MGAT5: variants seen among roughly 807,000 people sequenced by gnomAD.
MGAT5 encodes the protein alpha-1,6-mannosylglycoprotein 6-beta-N-acetylglucosaminyltransferase A.
Under a neutral mutation model 94.3 loss-of-function variants are expected in MGAT5, and 30 were observed. The ratio of observed to expected loss-of-function variants is 0.32; its 90% confidence interval spans 0.24 to 0.43. MGAT5 has a LOEUF of 0.43. MGAT5 is among the 20% of genes least tolerant of loss of function. The probability of loss-of-function intolerance (pLI) is 1.00; values close to 1 mark genes in which losing one functional copy is unlikely to be tolerated. For missense variants in MGAT5, 691 were observed against 905.5 expected (o/e 0.76, Z 3.04); for synonymous variants, 310 against 322.9 (o/e 0.96, Z 0.43).
intron 8 of MGAT5, among the ~76,000 whole-genome samples, chr2:134,345,718 A>G (rs1380180766): frequency 2.6e-5 from 4 of 152,174 alleles, no homozygotes; most frequent in African/African-American, 4.8e-5. Flanking sequence ...ATTTTCTTTC[A>G]GTCTTTTTGA....
At chr2:134,233,156 T>A (rs1203155825) in intron 1 of MGAT5, among the ~76,000 whole-genome samples, 1 of 152,218 alleles carries the variant, frequency 6.6e-6, no homozygotes, top group Non-Finnish European at 1.5e-5. Flanking sequence ...AATATAAGGG[T>A]ACAGGGCTGG....
intron 1 of MGAT5, among the ~76,000 whole-genome samples, chr2:134,145,204 G>GTA (rs1553484665): frequency 6.7e-6 from 1 of 148,348 alleles, no homozygotes; most frequent in East Asian, 2.0e-4. Context: ...GTGTGTGTGT[G>GTA]TCTCTCTCTC....
In MGAT5 at chr2:134,319,962, G is replaced by A. The variant is rs114423217; in HGVS notation, c.573+1223G>A. 4.8e-3 allele frequency: 989 copies of A among 206,378 alleles called. 11 individuals carry two copies. Among genetic ancestry groups the A allele is most frequent in the African/African-American group, 0.022 (916 of 42,440 alleles). The allele number at this position is 206,378 out of a possible 1,614,324, so 12.8% of individuals were successfully genotyped here. On this transcript the variant is annotated intron_variant, in intron 4 of 15. Coordinates refer to ENST00000281923, the MANE Select transcript of MGAT5 (RefSeq NM_002410.5). ...GGACATCACATCTGTACTCTTGAAC[G>A]TGGGTAGTGATGTTTTATGAGTTCC...
At chr2:134,444,106 T>C (rs1342301331) in intron 15 of MGAT5, among the ~76,000 whole-genome samples, 1 of 152,188 alleles carries the variant, frequency 6.6e-6, no homozygotes, top group African/African-American at 2.4e-5. Context: ...AGTTTTCTCA[T>C]CTGTAAAATG....
intron 14 of MGAT5, among the ~76,000 whole-genome samples, chr2:134,434,351 T>C (rs1370142844): frequency 6.6e-6 from 1 of 152,222 alleles, no homozygotes; most frequent in Non-Finnish European, 1.5e-5. Flanking sequence ...TTAGACTTTT[T>C]GTTGGTTTAT....
At chr2:134,330,222 C>A (rs1009884889) in intron 4 of MGAT5, among the ~76,000 whole-genome samples, 4 of 152,096 alleles carry the variant, frequency 2.6e-5, no homozygotes, top group Admixed American at 6.6e-5. Flanking sequence ...GTTACCTGAT[C>A]CAACTCTAAA....
intron 1 of MGAT5, among the ~76,000 whole-genome samples, chr2:134,238,682 T>G (rs4954120): frequency 0.58 from 87,854 of 152,140 alleles, 28,883 homozygotes; most frequent in Non-Finnish European, 0.74. Flanking sequence ...GGTGGCTCAC[T>G]CCTATAATCC....
At chr2:134,377,411 T>TC (rs928684641) in intron 10 of MGAT5, among the ~76,000 whole-genome samples, 8 of 152,202 alleles carry the variant, frequency 5.3e-5, no homozygotes, top group African/African-American at 1.9e-4. Context: ...TCTGATTCTT[T>TC]CCCCCCATTA....
intron 1 of MGAT5, among the ~76,000 whole-genome samples, chr2:134,191,697 G>A (rs779645537): frequency 7.1e-6 from 1 of 140,088 alleles, no homozygotes; most frequent in African/African-American, 2.7e-5. Context: ...TTCTCCTGGC[G>A]TGAGCGGGTT....
intron 1 of MGAT5, among the ~76,000 whole-genome samples, chr2:134,130,233 C>T (rs1407883218): frequency 1.4e-5 from 2 of 145,840 alleles, no homozygotes; most frequent in Admixed American, 6.8e-5. Flanking sequence ...CACCGCCCCA[C>T]ACCGCCCCAC....
chr2:134,386,458 A>C (rs1457182980), intron 10 of MGAT5, among the ~76,000 whole-genome samples: 1 of 152,234 alleles, frequency 6.6e-6, no homozygotes, highest in Non-Finnish European at 1.5e-5. Context: ...TTCTCTTAAA[A>C]TAGATAAGTA....
chr2:134,257,747 A>G (rs1225316645), intron 1 of MGAT5, among the ~76,000 whole-genome samples: 1 of 151,082 alleles, frequency 6.6e-6, no homozygotes, highest in East Asian at 1.9e-4. Flanking sequence ...TTAATGTCAC[A>G]TGCTGGTGCA....
chr2:134,382,786 G>A (rs903372409), intron 10 of MGAT5, among the ~76,000 whole-genome samples: 1 of 152,202 alleles, frequency 6.6e-6, no homozygotes, highest in Non-Finnish European at 1.5e-5. Flanking sequence ...CATTGGGGCG[G>A]CCAGACTGCT....
At chr2:134,339,474 AAAATT>A (rs561533517) in intron 6 of MGAT5, among the ~76,000 whole-genome samples, 83 of 152,304 alleles carry the variant, frequency 5.4e-4, no homozygotes, top group African/African-American at 1.9e-3. Context: ...TTGATAAACT[AAAATT>A]AAAAATAAAG....
intron 1 of MGAT5, among the ~76,000 whole-genome samples, chr2:134,162,062 C>G (rs73007408): frequency 6.6e-6 from 1 of 151,404 alleles, no homozygotes; most frequent in Admixed American, 6.6e-5. Context: ...TGGTGGTGCA[C>G]GCCTGTAACT....
At chr2:134,444,041 G>C (rs1460209929) in intron 15 of MGAT5, among the ~76,000 whole-genome samples, 1 of 152,192 alleles carries the variant, frequency 6.6e-6, no homozygotes, top group Non-Finnish European at 1.5e-5. Flanking sequence ...CCAGGGTCCA[G>C]GTCAGGGAAG....
intron 1 of MGAT5, among the ~76,000 whole-genome samples, chr2:134,224,748 A>G (rs1680968460): frequency 6.6e-6 from 1 of 152,108 alleles, no homozygotes; most frequent in Admixed American, 6.6e-5. Context: ...TAGACGCTTA[A>G]TGGAATAAAA....
chr2:134,298,161 T>C (rs1465697773), intron 2 of MGAT5, among the ~76,000 whole-genome samples: 1 of 152,190 alleles, frequency 6.6e-6, no homozygotes, highest in Non-Finnish European at 1.5e-5. Flanking sequence ...AATAGCGTAC[T>C]CTTGGCTCAC....
intron 12 of MGAT5, among the ~76,000 whole-genome samples, chr2:134,418,889 C>T (rs953395118): frequency 2.0e-5 from 3 of 152,178 alleles, no homozygotes; most frequent in Non-Finnish European, 4.4e-5. Flanking sequence ...GAGGGACCAG[C>T]GAGCTTGATC....
Sources: allele counts gnomAD v4.1 joint callset (sites outside exome capture counted in the v4.1 genomes callset), GRCh38; gene constraint gnomAD v4.1.1; transcripts MANE v1.5; gene names NCBI Gene and HGNC (gene_info 2026-07-23, HGNC 2026-07-21).